The following AGBL4 variants were observed in gnomAD, a reference collection of about 807,000 sequenced individuals.
The protein encoded by AGBL4 is AGBL carboxypeptidase 4, also known as cytosolic carboxypeptidase 6.
In AGBL4, 58 loss-of-function variants were observed where a neutral mutation model predicts 66.4. The ratio of observed to expected loss-of-function variants is 0.87; its 90% CI spans 0.71 to 1.09. The LOEUF (loss-of-function observed/expected upper bound fraction) is 1.09, where lower values mean the gene tolerates loss of function less well. Ranked by LOEUF, AGBL4 falls within the 50% of genes least tolerant of loss-of-function variation. The pLI, the probability that AGBL4 is intolerant of heterozygous loss-of-function variation, is 0.00. For missense variants in AGBL4, 579 were observed against 631.0 expected (o/e 0.92, Z 0.88); for synonymous variants, 234 against 222.9 (o/e 1.05, Z -0.44).
chr1:49,754,602 A>C (rs1571492857), intron 2 of AGBL4, among the ~76,000 whole-genome samples: 1 of 152,078 alleles, frequency 6.6e-6, no homozygotes, highest in Non-Finnish European at 1.5e-5. Context: ...TGCCAGCTGG[A>C]GCTCTCCTGT....
At chr1:49,776,095 G>C (rs1170659482) in intron 2 of AGBL4, among the ~76,000 whole-genome samples, 1 of 152,116 alleles carries the variant, frequency 6.6e-6, no homozygotes, top group Non-Finnish European at 1.5e-5. Context: ...GAGTAATAGA[G>C]TATACGTATT....
chr1:48,872,182 A>G (rs1382056307), intron 5 of AGBL4, among the ~76,000 whole-genome samples: 3 of 152,184 alleles, frequency 2.0e-5, no homozygotes. Context: ...CCTACCACTG[A>G]AAGAGAACCA....
chr1:49,227,892 A>G (rs1650030729), intron 4 of AGBL4, among the ~76,000 whole-genome samples: 1 of 152,060 alleles, frequency 6.6e-6, no homozygotes, highest in Non-Finnish European at 1.5e-5. Flanking sequence ...CCTGTTCAAG[A>G]GTCTCCTGTC....
At chr1:48,660,998 C>A (rs892814468) in intron 7 of AGBL4, among the ~76,000 whole-genome samples, 1 of 152,158 alleles carries the variant, frequency 6.6e-6, no homozygotes, top group Non-Finnish European at 1.5e-5. Flanking sequence ...TTTCTGAGTT[C>A]AACGCAGCAT....
chr1:49,100,745 C>A (rs1218515105), intron 4 of AGBL4, among the ~76,000 whole-genome samples: 1 of 152,138 alleles, frequency 6.6e-6, no homozygotes, highest in Non-Finnish European at 1.5e-5. Context: ...TTAAAACCAG[C>A]AGCTAAGAGG....
chr1:49,739,903 C>A (rs929264999), intron 2 of AGBL4, among the ~76,000 whole-genome samples: 5 of 152,116 alleles, frequency 3.3e-5, no homozygotes, highest in African/African-American at 9.7e-5. Flanking sequence ...CTGAAGGAAG[C>A]ACTAAACATG....
At chr1:48,739,774 G>T (rs993793902) in intron 6 of AGBL4, among the ~76,000 whole-genome samples, 1 of 152,152 alleles carries the variant, frequency 6.6e-6, no homozygotes, top group African/African-American at 2.4e-5. Context: ...CCATGTTTCC[G>T]CTCCTGCCAT....
chr1:48,758,974 A>G, intron 6 of AGBL4: 1 of 1,610,662 alleles, frequency 6.2e-7, no homozygotes, highest in Non-Finnish European at 8.5e-7. Context: ...TTCAGACACA[A>G]GTGCCCCGTA....
chr1:49,710,601 T>C (rs1048731520), intron 2 of AGBL4, among the ~76,000 whole-genome samples: 2 of 151,462 alleles, frequency 1.3e-5, no homozygotes, highest in African/African-American at 4.8e-5. Context: ...AAAACAAAAA[T>C]GAATAAATAA....
At chr1:49,532,886 T>C (rs1052251451) in intron 3 of AGBL4, among the ~76,000 whole-genome samples, 1 of 151,070 alleles carries the variant, frequency 6.6e-6, no homozygotes, top group African/African-American at 2.4e-5. Context: ...CTTTTTATAC[T>C]GTTATGGTTT....
intron 11 of AGBL4, among the ~76,000 whole-genome samples, chr1:48,572,429 A>C (rs776253783): frequency 3.3e-5 from 5 of 151,782 alleles, no homozygotes; most frequent in Non-Finnish European, 5.9e-5. Flanking sequence ...GAGAAAAAAA[A>C]GTGGAAGAGG....
chr1:48,899,928 A>G (rs1196012710), intron 5 of AGBL4, among the ~76,000 whole-genome samples: 4 of 152,354 alleles, frequency 2.6e-5, no homozygotes, highest in Non-Finnish European at 5.9e-5. Context: ...GAAGAAATAA[A>G]TATTGGGAGC....
intron 2 of AGBL4, among the ~76,000 whole-genome samples, chr1:49,738,437 C>G (rs557713855): frequency 6.6e-6 from 1 of 152,206 alleles, no homozygotes; most frequent in Non-Finnish European, 1.5e-5. Context: ...CCCACCGCAG[C>G]TCAAGGAGGC....
At chr1:49,503,274 G>A (rs554435670) in intron 3 of AGBL4, among the ~76,000 whole-genome samples, 1 of 152,240 alleles carries the variant, frequency 6.6e-6, no homozygotes, top group South Asian at 2.1e-4. Flanking sequence ...CTGAGGTTTG[G>A]GAACCTTCAC....
At chr1:48,680,736 T>C (rs1485361983) in intron 6 of AGBL4, among the ~76,000 whole-genome samples, 1 of 152,182 alleles carries the variant, frequency 6.6e-6, no homozygotes, top group African/African-American at 2.4e-5. Flanking sequence ...CAATATATGT[T>C]CGGAGACTGT....
chr1:49,165,546 T>C (rs1646618793), intron 4 of AGBL4, among the ~76,000 whole-genome samples: 2 of 151,292 alleles, frequency 1.3e-5, no homozygotes, highest in South Asian at 4.2e-4. Flanking sequence ...AATTATGAAC[T>C]CCAAAATTGG....
chr1:49,773,988 T>C lies in AGBL4; in HGVS notation c.158-76551A>G, dbSNP rs12059487. ...ACCTATGTGAATTTAGTGAAATGAC[T>C]GTGGCACGTAAGCGGTAGAATGGTT... On this transcript the variant is annotated intron_variant, in intron 2 of 13. Transcript: ENST00000371839. Among the ~76,000 whole-genome samples the C allele has an allele frequency of 2.1e-3, 315 of 152,328 alleles. 4 individuals carry two copies. Among genetic ancestry groups the C allele is most frequent in the African/African-American group, 7.1e-3 (294 of 41,586 alleles).
chr1:48,592,862 T>C (rs573701213), intron 9 of AGBL4, among the ~76,000 whole-genome samples: 114 of 152,132 alleles, frequency 7.5e-4, no homozygotes, highest in African/African-American at 2.6e-3. Flanking sequence ...TAAATTTTTT[T>C]GAAAAAAATT....
chr1:49,632,738 A>G (rs1018118439), intron 3 of AGBL4, among the ~76,000 whole-genome samples: 2 of 152,174 alleles, frequency 1.3e-5, no homozygotes, highest in African/African-American at 4.8e-5. Context: ...ATAGTAAGAA[A>G]AAACACTCAC....
Sources: allele counts gnomAD v4.1 joint callset (sites outside exome capture counted in the v4.1 genomes callset), GRCh38; gene constraint gnomAD v4.1.1; transcripts MANE v1.5; gene names NCBI Gene and HGNC (gene_info 2026-07-23, HGNC 2026-07-21).